Variants in PHF20 observed in about 807,000 individuals in gnomAD.
PHF20 encodes PHD finger protein 20.
PHF20 carries 23 observed loss-of-function variants against 113.5 expected under a neutral mutation model. The ratio of observed to expected loss-of-function variants is 0.20; its 90% CI spans 0.15 to 0.29. The LOEUF is 0.29. Among genes scored for constraint, PHF20 ranks in the 10% least tolerant of loss-of-function variants. The pLI, the probability that PHF20 is intolerant of heterozygous loss-of-function variation, is 1.00. For missense variants in PHF20, 943 were observed against 1,219.6 expected, an observed-to-expected ratio of 0.77 and a Z score of 3.38; for synonymous variants, 434 against 457.3, an observed-to-expected ratio of 0.95 and a Z score of 0.65.
chr20:35,893,487 A>G (rs2054916414), intron 9 of PHF20, among the ~76,000 whole-genome samples: 2 of 151,872 alleles, frequency 1.3e-5, no homozygotes, highest in Non-Finnish European at 2.9e-5. Context: ...TATTTTTAGT[A>G]GAGACGGGGT....
intron 9 of PHF20, among the ~76,000 whole-genome samples, chr20:35,897,581 T>G (rs1461210198): frequency 6.9e-6 from 1 of 143,932 alleles, no homozygotes; most frequent in Non-Finnish European, 1.5e-5. Context: ...TTTTTTTTTT[T>G]TCTGAGACGG....
At chr20:35,941,112 T>A (rs1600975035) in intron 17 of PHF20, 65 bp downstream of exon 17, 1 of 1,361,452 alleles carries the variant, frequency 7.3e-7, no homozygotes, top group East Asian at 2.3e-5. Flanking sequence ...ACGAGCTGCT[T>A]TCTGAACCCC....
intron 5 of PHF20, 37 bp downstream of exon 5, chr20:35,858,418 A>G: frequency 9.2e-7 from 1 of 1,092,544 alleles, no homozygotes; most frequent in Non-Finnish European, 1.4e-6. Context: ...GTTATGAATA[A>G]TGCTAACATT....
rs1345490137 is a variant in PHF20, at chr20:35,927,869, A to C, written c.2094A>C (p.Gln698His). 1.2e-6 allele frequency: 2 copies of C among 1,611,344 alleles called. No individual in the cohort carries two copies. Among genetic ancestry groups the C allele is most frequent in the Non-Finnish European group, 1.7e-6 (2 of 1,177,528 alleles). ...AGAAATACACCTGTTATGTTTGCCA[A>C]GACCCTCCAGGTAGAGATTTCTGGA... is the stretch of plus-strand genomic sequence containing the variant. ...VPEKYTCYVC[Q>H]DPPGQRPGFK... The change falls in exon 14 of 18, where the codon CAA (glutamine) becomes CAC (histidine). Residue 698 changes from glutamine (Q) to histidine (H), a missense_variant. Gln to His is a conservative substitution (Grantham distance 24). Around this residue, in one of 3 missense-constraint regions of PHF20, gnomAD observed 349 missense variants for 412.3 expected, o/e 0.85. Transcript: ENST00000374012.
chr20:35,796,005 C>T (rs1307347675), intron 1 of PHF20, among the ~76,000 whole-genome samples: 1 of 152,100 alleles, frequency 6.6e-6, no homozygotes, highest in Non-Finnish European at 1.5e-5. Flanking sequence ...TGCGCACCAC[C>T]ATGCCCAGCT....
intron 13 of PHF20, 70 bp from the exon 14 acceptor site, chr20:35,927,710 A>C: frequency 8.7e-7 from 1 of 1,145,294 alleles, no homozygotes; most frequent in South Asian, 1.2e-5. Context: ...TCCCCTCAGC[A>C]GGTGGGTCTT....
At chr20:35,857,703 A>G (rs932225321) in intron 4 of PHF20, among the ~76,000 whole-genome samples, 5 of 150,380 alleles carry the variant, frequency 3.3e-5, no homozygotes, top group Admixed American at 2.0e-4. Context: ...CTCCTGCCTC[A>G]GCCTCCCGAG....
intron 2 of PHF20, among the ~76,000 whole-genome samples, chr20:35,841,160 C>G (rs559153163): frequency 6.6e-6 from 1 of 151,862 alleles, no homozygotes. Flanking sequence ...GCCTGGGCAA[C>G]GTAACAGAAC....
chr20:35,925,292 C>G (rs1451053838), intron 13 of PHF20, among the ~76,000 whole-genome samples: 7 of 148,438 alleles, frequency 4.7e-5, no homozygotes, highest in Admixed American at 1.3e-4. Context: ...TGGAATCTCG[C>G]TCTGTTGCCC....
At chr20:35,896,732 T>G (rs2054992130) in intron 9 of PHF20, among the ~76,000 whole-genome samples, 1 of 118,428 alleles carries the variant, frequency 8.4e-6, no homozygotes, top group Non-Finnish European at 1.7e-5. Flanking sequence ...ACTGGGGAGG[T>G]GGAGGTTGCA....
Position 35,801,537 on chromosome 20 carries a change from A to G in PHF20, c.15A>G (p.Pro5=), listed in dbSNP as rs960006249. The G allele has an allele frequency of 1.1e-5, 17 of 1,613,260 alleles. No homozygotes were observed. The highest frequency in any genetic ancestry group is 1.4e-5 in the Non-Finnish European group (17 of 1,179,438). The change falls in exon 2 of 18, where the codon CCA becomes CCG. Residue 5 remains proline, a synonymous_variant. Coordinates refer to ENST00000374012, the MANE Select transcript of PHF20 (RefSeq NM_016436.5). The stretch of plus-strand genomic sequence containing the variant: ...GATGACTGAAAATGACAAAGCATCC[A>G]CCTAACAGACGAGGAATCAGCTTTG... MTKH[P]PNRRGISFEV...
At chr20:35,781,410 T>C (rs1479421569) in intron 1 of PHF20, among the ~76,000 whole-genome samples, 1 of 152,148 alleles carries the variant, frequency 6.6e-6, no homozygotes, top group African/African-American at 2.4e-5. Context: ...CGTGAGCCAC[T>C]GTGCCTGGCC....
intron 2 of PHF20, 72 bp downstream of exon 2, chr20:35,801,677 C>T: frequency 1.1e-6 from 1 of 936,868 alleles, no homozygotes; most frequent in Non-Finnish European, 1.7e-6. Context: ...AGAGTGGTAG[C>T]TTAGGCTTTT....
At chr20:35,858,610 G>A (rs1217986260) in intron 5 of PHF20, among the ~76,000 whole-genome samples, 5 of 152,094 alleles carry the variant, frequency 3.3e-5, no homozygotes, top group South Asian at 4.1e-4. Context: ...CCGCTCTGTC[G>A]CCCAGGCTGG....
At chr20:35,869,046 G>C (rs1386971088) in intron 6 of PHF20, among the ~76,000 whole-genome samples, 1 of 151,814 alleles carries the variant, frequency 6.6e-6, no homozygotes, top group Non-Finnish European at 1.5e-5. Context: ...AGCAGAGATC[G>C]CGGCACTGCA....
chr20:35,823,687 A>C (rs971108531), intron 2 of PHF20, among the ~76,000 whole-genome samples: 1 of 150,774 alleles, frequency 6.6e-6, no homozygotes, highest in Non-Finnish European at 1.5e-5. Context: ...GATATAAAGC[A>C]CTTCTGTTAC....
rs1481258821 is a variant in PHF20 at position 35,948,246 on chromosome 20, C to G, written c.*619C>G. The G allele has an allele frequency of 6.5e-6, 1 of 152,936 alleles. No homozygotes were observed. Among genetic ancestry groups the G allele is most frequent in the Non-Finnish European group, 1.5e-5 (1 of 68,286 alleles). The allele number at this position is 152,936 out of a possible 1,614,324, so 9.5% of individuals were successfully genotyped here. On this transcript the variant is annotated 3_prime_UTR_variant, in exon 18 of 18. Transcript: ENST00000374012. ...AAGTTTGTATGCCTTCACCCCAGAG[C>G]TGGCTGGGTTATGGCTTTTGTAGCA...
intron 15 of PHF20, among the ~76,000 whole-genome samples, chr20:35,938,244 T>A (rs2055904123): frequency 6.6e-6 from 1 of 152,150 alleles, no homozygotes; most frequent in African/African-American, 2.4e-5. Flanking sequence ...CTTGTCTGAC[T>A]CCCTTCCCAT....
At chr20:35,793,882 C>A (rs1317697514) in intron 1 of PHF20, among the ~76,000 whole-genome samples, 4 of 146,338 alleles carry the variant, frequency 2.7e-5, no homozygotes, top group South Asian at 4.4e-4. Flanking sequence ...CCTGTAATCC[C>A]AGCTACTGGG....
Sources: allele counts gnomAD v4.1 joint callset (sites outside exome capture counted in the v4.1 genomes callset), GRCh38; gene constraint gnomAD v4.1.1; regional missense constraint gnomAD v4.1.1; transcripts MANE v1.5; gene names NCBI Gene and HGNC (gene_info 2026-07-23, HGNC 2026-07-21).